The following CHRM3 variants were observed in gnomAD, a reference collection of about 807,000 sequenced individuals.
The protein encoded by CHRM3 is cholinergic receptor muscarinic 3.
Under a neutral mutation model 41.8 loss-of-function variants are expected in CHRM3, and 11 were observed. The ratio of observed to expected loss-of-function variants is 0.26; its 90% CI spans 0.17 to 0.44. The LOEUF (loss-of-function observed/expected upper bound fraction) is 0.44, where lower values mean the gene tolerates loss of function less well. CHRM3 is among the 20% of genes least tolerant of loss of function. The probability of loss-of-function intolerance (pLI) is 1.00; values close to 1 mark genes in which losing one functional copy is unlikely to be tolerated. For synonymous variants in CHRM3, 297 were observed against 301.4 expected, an observed-to-expected ratio of 0.99 and a Z score of 0.15; for missense variants, 571 against 745.4, an observed-to-expected ratio of 0.77 and a Z score of 2.72.
chr1:239,514,539 T>G (rs1669135948), intron 2 of CHRM3, among the ~76,000 whole-genome samples: 2 of 151,780 alleles, frequency 1.3e-5, no homozygotes, highest in South Asian at 4.2e-4. Flanking sequence ...ATTTTCTACA[T>G]AGAAAGTCAT....
chr1:239,569,093 A>G (rs938240743), intron 3 of CHRM3, among the ~76,000 whole-genome samples: 2 of 152,206 alleles, frequency 1.3e-5, no homozygotes, highest in African/African-American at 4.8e-5. Flanking sequence ...TTTTACAATC[A>G]CATTATCCCT....
In CHRM3 at chr1:239,909,293, G is replaced by A. The variant is rs749412427; in HGVS notation, c.*69G>A. 2.6e-5 allele frequency: 38 copies of A among 1,481,762 alleles called. No homozygotes were observed. Among genetic ancestry groups the A allele is most frequent in the South Asian group, 4.0e-5 (3 of 74,466 alleles). The allele number at this position is 1,481,762 out of a possible 1,614,324, so 91.8% of individuals were successfully genotyped here. A position where few individuals can be genotyped will look rare whatever the true frequency, so the allele number is the denominator to read the frequency against. On this transcript the variant is annotated 3_prime_UTR_variant, in exon 7 of 7. Transcript: ENST00000676153. ...CCACAGACCTTAGGAGGAGGAAGGC[G>A]AGGGCGGGGTGACTTCTGGTGATGA...
intron 6 of CHRM3, among the ~76,000 whole-genome samples, chr1:239,895,690 C>T (rs946556190): frequency 6.6e-6 from 1 of 152,148 alleles, no homozygotes; most frequent in African/African-American, 2.4e-5. Flanking sequence ...AGCTGAAAGC[C>T]ATTATCCTAA....
At chr1:239,521,759 C>A (rs1034395762) in intron 2 of CHRM3, among the ~76,000 whole-genome samples, 2 of 152,144 alleles carry the variant, frequency 1.3e-5, no homozygotes, top group Non-Finnish European at 2.9e-5. Context: ...CTAAAAAAAA[C>A]CGCAACAAAA....
At chr1:239,783,379 A>G (rs1374302414) in intron 5 of CHRM3, among the ~76,000 whole-genome samples, 2 of 152,156 alleles carry the variant, frequency 1.3e-5, no homozygotes, top group African/African-American at 4.8e-5. Flanking sequence ...ATGTATGTGT[A>G]TCTATGTTGA....
At chr1:239,767,322 G>A (rs1024238393) in intron 5 of CHRM3, among the ~76,000 whole-genome samples, 10 of 152,142 alleles carry the variant, frequency 6.6e-5, no homozygotes, top group Non-Finnish European at 1.2e-4. Flanking sequence ...TTTCAGGCAT[G>A]AGAAATTCCA....
At chr1:239,876,227 G>A (rs1199129142) in intron 6 of CHRM3, among the ~76,000 whole-genome samples, 1 of 152,090 alleles carries the variant, frequency 6.6e-6, no homozygotes, top group Non-Finnish European at 1.5e-5. Context: ...TTATATAACT[G>A]AACAATTAAT....
At chr1:239,782,607 T>C (rs538218831) in intron 5 of CHRM3, among the ~76,000 whole-genome samples, 1 of 152,222 alleles carries the variant, frequency 6.6e-6, no homozygotes, top group Admixed American at 6.5e-5. Context: ...TAGAAATCGG[T>C]TTCATTGATT....
chr1:239,589,228 C>T (rs1292517711), intron 3 of CHRM3, among the ~76,000 whole-genome samples: 1 of 152,022 alleles, frequency 6.6e-6, no homozygotes, highest in East Asian at 1.9e-4. Context: ...GCCACTGTGC[C>T]CAGTCTGAAA....
chr1:239,807,037 A>T (rs896559976), intron 5 of CHRM3, among the ~76,000 whole-genome samples: 2 of 152,232 alleles, frequency 1.3e-5, no homozygotes. Context: ...TTCCATTAAT[A>T]TAATTTCTTT....
chr1:239,753,720 G>C (rs1471044545), intron 5 of CHRM3, among the ~76,000 whole-genome samples: 1 of 152,156 alleles, frequency 6.6e-6, no homozygotes, highest in African/African-American at 2.4e-5. Flanking sequence ...AGAAGTCTTA[G>C]CATGAGAGTG....
chr1:239,493,745 T>C (rs548401696), intron 2 of CHRM3, among the ~76,000 whole-genome samples: 2 of 152,296 alleles, frequency 1.3e-5, no homozygotes, highest in African/African-American at 2.4e-5. Context: ...TGAAGGCAGC[T>C]TGTCAAAGCA....
chr1:239,415,762 T>C (rs1481251456), intron 1 of CHRM3, among the ~76,000 whole-genome samples: 7 of 152,192 alleles, frequency 4.6e-5, no homozygotes, highest in Non-Finnish European at 1.0e-4. Flanking sequence ...TGTAGTCTTC[T>C]AACACAATTC....
intron 5 of CHRM3, among the ~76,000 whole-genome samples, chr1:239,722,808 C>G (rs182934362): frequency 2.8e-4 from 43 of 151,850 alleles, no homozygotes; most frequent in African/African-American, 1.0e-3. Flanking sequence ...ATGATTGTAC[C>G]TTATTGAATC....
At chr1:239,805,659 C>T (rs1325741568) in intron 5 of CHRM3, among the ~76,000 whole-genome samples, 2 of 151,158 alleles carry the variant, frequency 1.3e-5, no homozygotes, top group African/African-American at 2.4e-5. Context: ...TGTGTGTATA[C>T]ACATCTATAT....
chr1:239,902,169 A>G (rs950806756), intron 6 of CHRM3, among the ~76,000 whole-genome samples: 1 of 152,190 alleles, frequency 6.6e-6, no homozygotes, highest in Non-Finnish European at 1.5e-5. Context: ...GTGTTTCTAA[A>G]GTAACAACAC....
intron 3 of CHRM3, among the ~76,000 whole-genome samples, chr1:239,611,733 T>C (rs1291590490): frequency 6.6e-6 from 1 of 152,154 alleles, no homozygotes; most frequent in Non-Finnish European, 1.5e-5. Context: ...GTGACATGTT[T>C]TATTGCATCT....
chr1:239,625,043 A>C (rs55932611), intron 3 of CHRM3, among the ~76,000 whole-genome samples: 1 of 58,488 alleles, frequency 1.7e-5, no homozygotes, highest in Non-Finnish European at 3.0e-5. Context: ...GAAGAAAGTC[A>C]TTGGTAGCTT....
chr1:239,672,266 A>G (rs1343184699), intron 4 of CHRM3, among the ~76,000 whole-genome samples: 1 of 152,180 alleles, frequency 6.6e-6, no homozygotes, highest in Non-Finnish European at 1.5e-5. Context: ...TGGGGGCTGC[A>G]GCACTCTAGG....
Sources: gnomAD v4.1 joint callset for allele counts (sites outside exome capture counted in the v4.1 genomes callset) on GRCh38, gnomAD v4.1.1 for gene constraint, MANE v1.5 for transcripts, NCBI Gene and HGNC (gene_info 2026-07-23, HGNC 2026-07-21) for gene names.